The following DENND4C variants were observed in gnomAD, a reference collection of about 807,000 sequenced individuals.
The protein encoded by DENND4C is DENN domain containing 4C.
DENND4C carries 108 observed loss-of-function variants against 203.0 expected under a neutral mutation model. The ratio of observed to expected loss-of-function variants is 0.53; its 90% CI spans 0.46 to 0.62. The LOEUF (loss-of-function observed/expected upper bound fraction) is 0.62, where lower values mean the gene tolerates loss of function less well. DENND4C is among the 20% of genes least tolerant of loss of function. DENND4C has a pLI of 0.00. For missense variants in DENND4C, 2,481 were observed against 2,301.2 expected, an observed-to-expected ratio of 1.08 and a Z score of -1.60; for synonymous variants, 871 against 792.4, an observed-to-expected ratio of 1.10 and a Z score of -1.67.
chr9:19,267,431 C>T (rs1038381845), intron 1 of DENND4C, among the ~76,000 whole-genome samples: 1 of 152,138 alleles, frequency 6.6e-6, no homozygotes, highest in Non-Finnish European at 1.5e-5. Flanking sequence ...TACTCCTGCT[C>T]TTTCAGTTTC....
chr9:19,238,374 GC>G (rs1443162403), intron 1 of DENND4C, among the ~76,000 whole-genome samples: 1 of 151,484 alleles, frequency 6.6e-6, no homozygotes, highest in East Asian at 1.9e-4. Flanking sequence ...GAGCCACTGC[GC>G]CCAGCCTCTT....
chr9:19,338,558 C>T (rs909659067), intron 20 of DENND4C, among the ~76,000 whole-genome samples: 2 of 152,116 alleles, frequency 1.3e-5, no homozygotes, highest in African/African-American at 4.8e-5. Flanking sequence ...GAACTTCTGG[C>T]GATGCCATTT....
intron 20 of DENND4C, 27 bp downstream of exon 20, chr9:19,336,859 C>T: frequency 1.3e-6 from 2 of 1,536,836 alleles, no homozygotes; most frequent in African/African-American, 2.8e-5. Context: ...TTTACTAACC[C>T]TTCACTTACT....
intron 1 of DENND4C, among the ~76,000 whole-genome samples, chr9:19,250,361 T>C (rs1029940178): frequency 2.6e-5 from 4 of 152,146 alleles, no homozygotes; most frequent in African/African-American, 7.2e-5. Context: ...GGAGAATTGC[T>C]TGAACCCAGG....
At chr9:19,345,101 A>G (rs1011861625) in intron 22 of DENND4C, among the ~76,000 whole-genome samples, 1 of 152,260 alleles carries the variant, frequency 6.6e-6, no homozygotes, top group Non-Finnish European at 1.5e-5. Context: ...GGCGGACACA[A>G]ACATTCAGTC....
chr9:19,260,396 T>TGTTATGTTAC (rs1829063558), intron 1 of DENND4C, among the ~76,000 whole-genome samples: 1 of 151,690 alleles, frequency 6.6e-6, no homozygotes, highest in African/African-American at 2.4e-5. Context: ...TGTTATGTTA[T>TGTTATGTTAC]GTTATGTTAT....
Position 19,368,249 on chromosome 9 carries a change from A to C in DENND4C, c.5525-1588A>C, listed in dbSNP as rs188046644. Among the ~76,000 whole-genome samples the C allele has an allele frequency of 1.3e-4, 19 of 143,042 alleles. No individual in the cohort carries two copies. In the East Asian group the frequency reaches 3.2e-3, roughly 24 times the overall value. 93.8% of individuals were successfully genotyped at this position (143,042 alleles called of 152,430 possible). On this transcript the variant is annotated intron_variant, in intron 30 of 32. Transcript: ENST00000434457. ...GTATTTCCTGTTATCATAACAGAGG[A>C]CTTTGCTATTTTTTTTTTTTTTTTT...
intron 2 of DENND4C, among the ~76,000 whole-genome samples, chr9:19,280,626 T>G (rs114247817): frequency 8.6e-4 from 131 of 152,174 alleles, no homozygotes; most frequent in African/African-American, 3.0e-3. Flanking sequence ...GTAACCTCCA[T>G]GTTAGTTGAA....
rs1588708574 is a variant in DENND4C at position 19,238,079 on chromosome 9, C to T, written c.-18+7246C>T. ...TCCTTGACTCTTCCTCTGTTTCTTT[C>T]TTTCTTTTTTTTTTTTTTTTGAGAT... On this transcript the variant is annotated intron_variant, in intron 1 of 32. Transcript: ENST00000434457. Among the ~76,000 whole-genome samples the T allele has an allele frequency of 2.0e-5, 3 of 148,368 alleles. No individual in the cohort carries two copies. The East Asian group carries it at 6.0e-4, about 29-fold the overall frequency.
intron 1 of DENND4C, among the ~76,000 whole-genome samples, chr9:19,251,052 C>G (rs1341718297): frequency 6.6e-6 from 1 of 152,226 alleles, no homozygotes; most frequent in Admixed American, 6.5e-5. Context: ...GTGGGGGCTC[C>G]CACCCCACAT....
At chr9:19,352,720 C>T in intron 26 of DENND4C, 55 bp downstream of exon 26, 5 of 1,375,380 alleles carry the variant, frequency 3.6e-6, no homozygotes, top group Non-Finnish European at 2.9e-6. Flanking sequence ...AACACGACTT[C>T]TGGGAGAAGA....
chr9:19,355,753 C>T (rs1825248515), intron 26 of DENND4C, among the ~76,000 whole-genome samples: 1 of 151,864 alleles, frequency 6.6e-6, no homozygotes, highest in Admixed American at 6.5e-5. Flanking sequence ...CCTGTGAATT[C>T]TTAGAATAAG....
chr9:19,279,118 C>T (rs1833514980), intron 2 of DENND4C, among the ~76,000 whole-genome samples: 1 of 82,110 alleles, frequency 1.2e-5, no homozygotes, highest in Non-Finnish European at 2.6e-5. Context: ...ATCACAAGGT[C>T]AAGGGATCAA....
chr9:19,355,442 T>C (rs774847900), intron 26 of DENND4C, among the ~76,000 whole-genome samples: 3 of 152,230 alleles, frequency 2.0e-5, no homozygotes, highest in African/African-American at 4.8e-5. Flanking sequence ...GTCTTTAATA[T>C]ATCTTTATTC....
chr9:19,352,134 T>A lies in DENND4C; in HGVS notation c.4557T>A (p.Ser1519=), dbSNP rs777478283. 1 of 1,613,980 alleles carries A rather than the reference T, an allele frequency of 6.2e-7. No homozygotes were observed. The highest frequency in any genetic ancestry group is 8.5e-7 in the Non-Finnish European group (1 of 1,179,936). ...ACTTTGAAAAATCAGATCATGGTTC[T>A]TCTCAAAATACCAGCATGTCTAGCA... is the stretch of plus-strand genomic sequence containing the variant. ...GQDFEKSDHG[S]SQNTSMSSIY... The change falls in exon 25 of 33, where the codon TCT becomes TCA. Residue 1519 remains serine, a synonymous_variant. Coordinates refer to ENST00000434457, the MANE Select transcript of DENND4C (RefSeq NM_001330640.2).
At chr9:19,302,533 C>T (rs184303981) in intron 9 of DENND4C, among the ~76,000 whole-genome samples, 9 of 152,040 alleles carry the variant, frequency 5.9e-5, no homozygotes, top group Middle Eastern at 3.4e-3. Flanking sequence ...ATGTAACATA[C>T]CTTTTGTTGA....
intron 27 of DENND4C, chr9:19,357,711 G>T: frequency 2.9e-6 from 1 of 343,170 alleles, no homozygotes; most frequent in East Asian, 4.6e-5. Context: ...TGGGTACTTT[G>T]TCTTTTTAAA....
In DENND4C at chr9:19,369,945, A is replaced by G. The variant is rs139514440; in HGVS notation, c.5633A>G (p.Asn1878Ser). ...IQHNNVLKPI[N>S]LLSQQMKPGM... ...CACAATAATGTTCTTAAACCCATCAACCTACTTTCACAGCAAATGAAGCCA... is the reference window on the plus strand; with the variant it reads ...CACAATAATGTTCTTAAACCCATCAGCCTACTTTCACAGCAAATGAAGCCA... Residue 1878 changes from asparagine (N) to serine (S), a missense_variant, in exon 31 of 33, where the codon AAC (asparagine) becomes AGC (serine). By Grantham distance (46) the Asn-to-Ser change is conservative. Coordinates refer to ENST00000434457, the MANE Select transcript of DENND4C (RefSeq NM_001330640.2). 64 of 1,613,820 alleles carry G rather than the reference A, an allele frequency of 4.0e-5. No homozygotes were observed. Among genetic ancestry groups the G allele is most frequent in the African/African-American group, 3.2e-4 (24 of 74,894 alleles).
rs1363616890 is a variant in DENND4C, at chr9:19,372,859, A to C, written c.*686A>C. ...TTGGGTGACAGAGTGAGACCGTCTC[A>C]AAAAAAAAAAAAAAAAAAAAAGAGA... On this transcript the variant is annotated 3_prime_UTR_variant, in exon 33 of 33. Coordinates refer to ENST00000434457, the MANE Select transcript of DENND4C (RefSeq NM_001330640.2). 3.8e-5 allele frequency: 4 copies of C among 105,936 alleles called. No homozygotes were observed. Among genetic ancestry groups the C allele is most frequent in the African/African-American group, 5.1e-5 (1 of 19,446 alleles). 6.6% of individuals were successfully genotyped at this position (105,936 alleles called of 1,614,324 possible). A position where few individuals can be genotyped will look rare whatever the true frequency, so the allele number is the denominator to read the frequency against.
Sources: allele counts gnomAD v4.1 joint callset (sites outside exome capture counted in the v4.1 genomes callset), GRCh38; gene constraint gnomAD v4.1.1; transcripts MANE v1.5; gene names NCBI Gene and HGNC (gene_info 2026-07-23, HGNC 2026-07-21).